NRXN1: variants seen among roughly 807,000 people sequenced by gnomAD.
NRXN1 encodes neurexin 1, also known as neurexin-1.
NRXN1 carries 39 observed loss-of-function variants against 150.9 expected under a neutral mutation model. The ratio of observed to expected loss-of-function variants is 0.26; its 90% CI spans 0.20 to 0.34. NRXN1 has a LOEUF of 0.34. NRXN1 is among the 10% of genes least tolerant of loss of function. The pLI is 1.00. For synonymous variants in NRXN1, 924 were observed against 757.0 expected (o/e 1.22, Z -3.62); for missense variants, 1,815 against 1,949.9 (o/e 0.93, Z 1.30).
rs1283507465 is a variant in NRXN1 at position 50,654,299 on chromosome 2, C to G, written c.833-30684G>C. ...TGGTGTTTGGTTTTTTTGTCCTTGC[C>G]ATAGTTTGCTGAGAATGATGGTTTC... On this transcript the variant is annotated intron_variant, in intron 5 of 22. Transcript: ENST00000401669. Among the ~76,000 whole-genome samples the G allele has an allele frequency of 1.2e-4, 18 of 148,712 alleles. 1 individual carries two copies. The South Asian group carries it at 3.6e-3, about 30-fold the overall frequency.
rs368792551 is a variant in NRXN1 at position 50,208,885 on chromosome 2, T to A, written c.3546+27904A>T. Reference sequence around the variant, plus strand: ...GGGTCTTGTTCATTGTCTCTTTGAATAAGCTTTAATAGATATTTCTCACAC... The same window carrying A: ...GGGTCTTGTTCATTGTCTCTTTGAAAAAGCTTTAATAGATATTTCTCACAC... On this transcript the variant is annotated intron_variant, in intron 18 of 22. Coordinates refer to ENST00000401669, the MANE Select transcript of NRXN1 (RefSeq NM_001330078.2). Among the ~76,000 whole-genome samples the A allele has an allele frequency of 3.3e-5, 5 of 152,278 alleles. No homozygotes were observed. In the South Asian group the frequency reaches 1.0e-3, roughly 32 times the overall value.
intron 5 of NRXN1, among the ~76,000 whole-genome samples, chr2:50,735,478 G>A (rs1020430608): frequency 6.6e-6 from 1 of 152,058 alleles, no homozygotes; most frequent in African/African-American, 2.4e-5. Flanking sequence ...AGAAGCCACT[G>A]GGAATTTTGA....
intron 21 of NRXN1, among the ~76,000 whole-genome samples, chr2:49,958,793 C>G (rs1407965186): frequency 6.6e-6 from 1 of 152,154 alleles, no homozygotes; most frequent in African/African-American, 2.4e-5. Context: ...TCTATGAAAG[C>G]TCAATCTAGC....
intron 17 of NRXN1, among the ~76,000 whole-genome samples, chr2:50,409,035 G>C (rs775250145): frequency 1.3e-5 from 2 of 152,118 alleles, no homozygotes; most frequent in Non-Finnish European, 2.9e-5. Context: ...TTTTCAAGGG[G>C]AGGGGAGGGT....
At chr2:50,798,578 G>C (rs1482731468) in intron 5 of NRXN1, among the ~76,000 whole-genome samples, 1 of 152,212 alleles carries the variant, frequency 6.6e-6, no homozygotes, top group Middle Eastern at 3.4e-3. Flanking sequence ...GAAAGCTTTA[G>C]GAGGCAAATT....
chr2:50,980,133 T>A, intron 2 of NRXN1, among the ~76,000 whole-genome samples: 1 of 152,108 alleles, frequency 6.6e-6, no homozygotes, highest in Non-Finnish European at 1.5e-5. Context: ...GATGTCTGAT[T>A]AAAATTTTGA....
At chr2:50,834,386 T>C (rs1269918400) in intron 5 of NRXN1, among the ~76,000 whole-genome samples, 2 of 152,148 alleles carry the variant, frequency 1.3e-5, no homozygotes, top group Non-Finnish European at 1.5e-5. Context: ...TTTTGCAGTT[T>C]TGAAGGATGT....
chr2:49,998,807 G>A (rs1201145588), intron 21 of NRXN1, among the ~76,000 whole-genome samples: 3 of 151,960 alleles, frequency 2.0e-5, no homozygotes, highest in Admixed American at 2.0e-4. Flanking sequence ...GGTGCTTTTT[G>A]TTTTTTCATT....
intron 17 of NRXN1, among the ~76,000 whole-genome samples, chr2:50,390,388 A>C (rs1487122625): frequency 6.6e-6 from 1 of 152,176 alleles, no homozygotes; most frequent in Non-Finnish European, 1.5e-5. Context: ...CTTATAATTT[A>C]AGAGAAGATC....
At chr2:50,866,606 A>C (rs1209538767) in intron 5 of NRXN1, among the ~76,000 whole-genome samples, 2 of 151,984 alleles carry the variant, frequency 1.3e-5, no homozygotes, top group Admixed American at 1.3e-4. Flanking sequence ...AATGAGTTAT[A>C]TAGTTATAAT....
chr2:49,967,391 A>G (rs1406252076), intron 21 of NRXN1, among the ~76,000 whole-genome samples: 1 of 152,112 alleles, frequency 6.6e-6, no homozygotes, highest in Admixed American at 6.6e-5. Context: ...TGATATTTAT[A>G]AATACATTCT....
At chr2:50,210,737 T>C (rs1000064472) in intron 18 of NRXN1, among the ~76,000 whole-genome samples, 3 of 151,548 alleles carry the variant, frequency 2.0e-5, no homozygotes, top group African/African-American at 7.3e-5. Flanking sequence ...TTTAAAGCAG[T>C]AGTAGAAAAT....
rs80241220 is a variant in NRXN1, at chr2:50,394,928, T to C, written c.3364+70514A>G. 7.0e-3 allele frequency among the ~76,000 whole-genome samples: 1,064 copies of C among 152,188 alleles called. 14 individuals are homozygous for C. Among genetic ancestry groups the C allele is most frequent in the African/African-American group, 0.025 (1,036 of 41,564 alleles). On this transcript the variant is annotated intron_variant, in intron 17 of 22. Transcript: ENST00000401669. ...TTGCTATTTCCATGCCTTGTGATCC[T>C]CTTCACCAAGACAGTCACATGACTA...
intron 5 of NRXN1, among the ~76,000 whole-genome samples, chr2:50,734,635 C>A (rs1698494317): frequency 6.6e-6 from 1 of 151,510 alleles, no homozygotes; most frequent in Non-Finnish European, 1.5e-5. Context: ...CTCTGGTAGT[C>A]TATATAAAAC....
intron 17 of NRXN1, among the ~76,000 whole-genome samples, chr2:50,252,233 C>T (rs1319306141): frequency 6.3e-5 from 6 of 94,898 alleles, no homozygotes; most frequent in East Asian, 3.3e-4. Context: ...ACATTTTGTC[C>T]TTTTTTTTTT....
At chr2:50,614,064 G>C (rs551838232) in intron 8 of NRXN1, among the ~76,000 whole-genome samples, 1 of 152,106 alleles carries the variant, frequency 6.6e-6, no homozygotes, top group Non-Finnish European at 1.5e-5. Context: ...CTGTCTTCCC[G>C]AAAGAGTGAG....
chr2:50,389,222 C>A (rs1222764809), intron 17 of NRXN1, among the ~76,000 whole-genome samples: 1 of 150,546 alleles, frequency 6.6e-6, no homozygotes, highest in Non-Finnish European at 1.5e-5. Flanking sequence ...AGCACAACAT[C>A]AGACCAAAAT....
At chr2:50,550,580 C>G (rs1036766156) in intron 9 of NRXN1, among the ~76,000 whole-genome samples, 3 of 151,772 alleles carry the variant, frequency 2.0e-5, no homozygotes, top group African/African-American at 7.3e-5. Context: ...CTATCTCTGG[C>G]AGAGATAGGC....
chr2:50,359,101 G>A (rs1196468389), intron 17 of NRXN1, among the ~76,000 whole-genome samples: 1 of 152,118 alleles, frequency 6.6e-6, no homozygotes, highest in East Asian at 1.9e-4. Flanking sequence ...TCCATCTGAA[G>A]TTTACCAACA....
Sources: gnomAD v4.1 joint callset for allele counts (sites outside exome capture counted in the v4.1 genomes callset) on GRCh38, gnomAD v4.1.1 for gene constraint, MANE v1.5 for transcripts, NCBI Gene and HGNC (gene_info 2026-07-23, HGNC 2026-07-21) for gene names.